Variants in TENM3 observed in about 807,000 individuals in gnomAD.
The protein encoded by TENM3 is teneurin transmembrane protein 3.
In TENM3, 63 loss-of-function variants were observed where a neutral mutation model predicts 255.1. The observed-to-expected ratio is 0.25, with a 90% CI of 0.20 to 0.30. The LOEUF is 0.30. TENM3 is among the 10% of genes least tolerant of loss of function. The pLI is 1.00. For missense variants in TENM3, 2,929 were observed against 3,461.1 expected, an observed-to-expected ratio of 0.85 and a Z score of 3.86; for synonymous variants, 1,306 against 1,322.3, an observed-to-expected ratio of 0.99 and a Z score of 0.27.
At chr4:182,448,905 G>C (rs994238461) in intron 3 of TENM3, 7 of 333,368 alleles carry the variant, frequency 2.1e-5, no homozygotes, top group Non-Finnish European at 3.7e-5. Context: ...GGGTTAAGCG[G>C]CGCACCGCCC....
chr4:182,769,289 C>T (rs188764431), intron 22 of TENM3, among the ~76,000 whole-genome samples: 8 of 152,034 alleles, frequency 5.3e-5, no homozygotes, highest in East Asian at 3.9e-4. Context: ...ACCTGAGAGT[C>T]GTCTTTGAAG....
rs1323541807 is a variant in TENM3, at chr4:182,628,879, T to G, written c.978T>G (p.Ser326=). The G allele has an allele frequency of 6.3e-7, 1 of 1,587,514 alleles. No homozygotes were observed. Among genetic ancestry groups the G allele is most frequent in the East Asian group, 2.2e-5 (1 of 44,502 alleles). ...CGGTGCTCCTGGCAATACTCCTGTC[T>G]TATTTTATAGGTAAGAACAAGTTCT... ...GVSVLLAILL[S]YFIAMHLFGL... is the part of the protein sequence containing the mutation. The change falls in exon 5 of 28, where the codon TCT becomes TCG. Residue 326 remains serine (S), a synonymous_variant. Coordinates refer to ENST00000511685, the MANE Select transcript of TENM3 (RefSeq NM_001080477.4).
intron 3 of TENM3, among the ~76,000 whole-genome samples, chr4:182,370,014 G>A (rs572990890): frequency 6.6e-6 from 1 of 152,306 alleles, no homozygotes; most frequent in South Asian, 2.1e-4. Context: ...TTCACCTGGT[G>A]TCACTGGGTT....
intron 1 of TENM3, among the ~76,000 whole-genome samples, chr4:182,201,016 G>C (rs527592453): frequency 6.6e-6 from 1 of 151,594 alleles, no homozygotes; most frequent in South Asian, 2.1e-4. Context: ...GTCGAGATGG[G>C]GTTTCACCAT....
chr4:182,159,776 G>A (rs1458168091), intron 1 of TENM3, among the ~76,000 whole-genome samples: 39 of 152,088 alleles, frequency 2.6e-4, no homozygotes, highest in Admixed American at 2.5e-3. Context: ...CGGGAGCAGC[G>A]ACACGATAGC....
chr4:182,193,689 T>C (rs141938829), intron 1 of TENM3, among the ~76,000 whole-genome samples: 1 of 152,322 alleles, frequency 6.6e-6, no homozygotes, highest in Non-Finnish European at 1.5e-5. Flanking sequence ...GGCTGACCTA[T>C]TTGGGTAGAT....
chr4:181,859,376 T>C, the TENM3 span, among the ~76,000 whole-genome samples: 55 of 152,000 alleles, frequency 3.6e-4, no homozygotes, highest in Middle Eastern at 3.4e-3. Context: ...CTAGAAAAAT[T>C]ATTCACCCTT....
At chr4:182,318,765 T>A (rs1350478265) in intron 1 of TENM3, among the ~76,000 whole-genome samples, 1 of 152,098 alleles carries the variant, frequency 6.6e-6, no homozygotes, top group African/African-American at 2.4e-5. Flanking sequence ...AATCAGAAGT[T>A]TTTTATCTGT....
At chr4:181,673,272 A>G in the TENM3 span, among the ~76,000 whole-genome samples, 7 of 152,086 alleles carry the variant, frequency 4.6e-5, no homozygotes, top group East Asian at 1.9e-4. Context: ...TCCATGCCCT[A>G]TTGATGTTTC....
chr4:182,376,066 T>G (rs922132944), intron 3 of TENM3, among the ~76,000 whole-genome samples: 4 of 152,240 alleles, frequency 2.6e-5, no homozygotes, highest in Non-Finnish European at 5.9e-5. Flanking sequence ...CTTGTCATTA[T>G]GTATTAAAAT....
chr4:181,689,132 G>A, the TENM3 span, among the ~76,000 whole-genome samples: 3 of 152,188 alleles, frequency 2.0e-5, no homozygotes, highest in Admixed American at 6.5e-5. Context: ...AGGCGATGAC[G>A]CCGCCCCACA....
intron 3 of TENM3, among the ~76,000 whole-genome samples, chr4:182,573,044 A>G (rs1163786525): frequency 2.0e-5 from 3 of 152,308 alleles, no homozygotes; most frequent in South Asian, 4.1e-4. Flanking sequence ...ATCAATACGG[A>G]TTGTGCCAGA....
intron 3 of TENM3, among the ~76,000 whole-genome samples, chr4:182,443,734 G>A (rs1360529768): frequency 1.3e-5 from 2 of 152,118 alleles, no homozygotes; most frequent in Non-Finnish European, 2.9e-5. Flanking sequence ...CACACACCCA[G>A]ATCCTGCTTC....
At chr4:182,425,782 G>C (rs1347150313) in intron 3 of TENM3, among the ~76,000 whole-genome samples, 1 of 152,152 alleles carries the variant, frequency 6.6e-6, no homozygotes, top group Non-Finnish European at 1.5e-5. Context: ...GGCCGAGGCA[G>C]GCGGATCACG....
the TENM3 span, among the ~76,000 whole-genome samples, chr4:182,033,350 G>C: frequency 2.0e-5 from 3 of 152,160 alleles, no homozygotes; most frequent in Non-Finnish European, 2.9e-5. Context: ...TAGTTGTGTG[G>C]TTTTGAGTGA....
chr4:181,591,374 A>G, the TENM3 span, among the ~76,000 whole-genome samples: 1 of 152,214 alleles, frequency 6.6e-6, no homozygotes, highest in Non-Finnish European at 1.5e-5. Flanking sequence ...AACTCTTAGG[A>G]ATTTACTTCA....
rs1741739829 is a variant in TENM3, at chr4:182,549,001, G to C, written c.512-51923G>C. ...ACCAAATGGAAAACAGAGATGATGT[G>C]GTTTTTTTCTCTCTTACTTGGCAGC... On this transcript the variant is annotated intron_variant, in intron 3 of 27. Coordinates refer to ENST00000511685, the MANE Select transcript of TENM3 (RefSeq NM_001080477.4). Among the ~76,000 whole-genome samples the C allele has an allele frequency of 2.0e-5, 3 of 152,174 alleles. 1 individual carries two copies. The South Asian group carries it at 6.2e-4, about 32-fold the overall frequency.
chr4:182,322,051 C>G (rs1580151665), intron 1 of TENM3, among the ~76,000 whole-genome samples: 1 of 152,180 alleles, frequency 6.6e-6, no homozygotes, highest in East Asian at 1.9e-4. Context: ...TAGTCTGTCA[C>G]CATACCTTGA....
the TENM3 span, among the ~76,000 whole-genome samples, chr4:181,629,370 T>TG: frequency 6.6e-6 from 1 of 152,194 alleles, no homozygotes; most frequent in Non-Finnish European, 1.5e-5. Context: ...CTTCCGACAC[T>TG]GTGTTGAATA....
Sources: allele counts gnomAD v4.1 joint callset (sites outside exome capture counted in the v4.1 genomes callset), GRCh38; gene constraint gnomAD v4.1.1; transcripts MANE v1.5; gene names NCBI Gene and HGNC (gene_info 2026-07-23, HGNC 2026-07-21).